The following DOC2B variants were observed in gnomAD, a reference collection of about 807,000 sequenced individuals.
DOC2B encodes double C2-like domain-containing protein beta.
A neutral mutation model predicts 28.9 loss-of-function variants in DOC2B; 21 were observed. The ratio of observed to expected loss-of-function variants is 0.73; its 90% CI spans 0.52 to 1.05. DOC2B has a LOEUF of 1.05. Among genes scored for constraint, DOC2B ranks in the 50% least tolerant of loss-of-function variants. The pLI, the probability that DOC2B is intolerant of heterozygous loss-of-function variation, is 0.00. For missense variants in DOC2B, 384 were observed against 421.1 expected (o/e 0.91, Z 0.77); for synonymous variants, 194 against 178.1 (o/e 1.09, Z -0.71).
intron 6 of DOC2B, among the ~76,000 whole-genome samples, chr17:154,726 A>C (rs909823319): frequency 1.3e-5 from 2 of 151,970 alleles, no homozygotes; most frequent in Non-Finnish European, 2.9e-5. Context: ...TTCTCATATT[A>C]TTTTTATTTG....
At position 144,219 on chromosome 17, in the gene DOC2B, G is replaced by T; in HGVS notation, c.*3222C>A. 1 of 152,498 alleles carries T rather than the reference G, an allele frequency of 6.6e-6. No homozygotes were observed. The highest frequency in any genetic ancestry group is 2.0e-4 in the South Asian group (1 of 5,126). 9.4% of individuals were successfully genotyped at this position (152,498 alleles called of 1,614,324 possible). On this transcript the variant is annotated 3_prime_UTR_variant, in exon 9 of 9. Transcript: ENST00000613549. ...ACCCGAGTAAAGATGCCCATTCGGG[G>T]TCAAAGGCAGAGCCGCTTCTGCAGC... is the stretch of plus-strand genomic sequence containing the variant.
chr17:151,383 T>C (rs2040070256), intron 6 of DOC2B, among the ~76,000 whole-genome samples: 1 of 152,226 alleles, frequency 6.6e-6, no homozygotes, highest in African/African-American at 2.4e-5. Flanking sequence ...TCATATTTTG[T>C]AATCTTTGCA....
At chr17:170,477 G>C (rs867132077) in intron 2 of DOC2B, among the ~76,000 whole-genome samples, 16 of 152,146 alleles carry the variant, frequency 1.1e-4, no homozygotes, top group Admixed American at 5.2e-4. Context: ...CTTGCTGCCA[G>C]GCTGGGAGGA....
intron 2 of DOC2B, among the ~76,000 whole-genome samples, chr17:172,198 C>G (rs967105797): frequency 6.6e-6 from 1 of 151,970 alleles, no homozygotes; most frequent in African/African-American, 2.4e-5. Context: ...AGTACCCAAC[C>G]CGCCCTCCCT....
chr17:174,637 C>A (rs1207667445), intron 1 of DOC2B, among the ~76,000 whole-genome samples: 1 of 152,226 alleles, frequency 6.6e-6, no homozygotes, highest in African/African-American at 2.4e-5. Flanking sequence ...AACCCCTGCA[C>A]CAGAGGGTCC....
intron 6 of DOC2B, among the ~76,000 whole-genome samples, chr17:152,473 AAAT>A (rs904255991): frequency 3.9e-5 from 6 of 152,158 alleles, no homozygotes; most frequent in African/African-American, 1.4e-4. Flanking sequence ...AGCTTTATAA[AAAT>A]AATGGTGCTA....
At chr17:172,716 C>T (rs2040326652) in intron 1 of DOC2B, 100 bp from the exon 2 acceptor site, 1 of 974,550 alleles carries the variant, frequency 1.0e-6, no homozygotes, top group South Asian at 1.9e-5. Flanking sequence ...GCAGGTGCCA[C>T]CGTTCCATGG....
At chr17:152,835 C>T (rs2040086804) in intron 6 of DOC2B, among the ~76,000 whole-genome samples, 3 of 152,184 alleles carry the variant, frequency 2.0e-5, no homozygotes, top group Admixed American at 1.3e-4. Flanking sequence ...GGCCTTGACC[C>T]ATCTAGCTTT....
intron 1 of DOC2B, among the ~76,000 whole-genome samples, chr17:176,308 AAGT>A (rs1367184001): frequency 6.6e-6 from 1 of 151,650 alleles, no homozygotes; most frequent in African/African-American, 2.4e-5. Flanking sequence ...TCAGCCTCCC[AAGT>A]AGCTGGGACT....
At chr17:165,850 G>C (rs2040257377) in intron 2 of DOC2B, among the ~76,000 whole-genome samples, 1 of 152,262 alleles carries the variant, frequency 6.6e-6, no homozygotes, top group African/African-American at 2.4e-5. Context: ...GGCGGTGCCT[G>C]ACTGCTGTGT....
At chr17:159,488 G>A (rs1037833702) in intron 5 of DOC2B, among the ~76,000 whole-genome samples, 3 of 152,184 alleles carry the variant, frequency 2.0e-5, no homozygotes, top group African/African-American at 7.2e-5. Flanking sequence ...ACCAGGCGTG[G>A]CGGCACACGC....
At chr17:166,177 A>G (rs946631620) in intron 2 of DOC2B, among the ~76,000 whole-genome samples, 1 of 152,160 alleles carries the variant, frequency 6.6e-6, no homozygotes, top group Non-Finnish European at 1.5e-5. Context: ...GCAGCCACAC[A>G]TTTCGCCAAA....
chr17:151,850 C>G (rs985741766), intron 6 of DOC2B, among the ~76,000 whole-genome samples: 6 of 152,346 alleles, frequency 3.9e-5, no homozygotes, highest in African/African-American at 1.4e-4. Flanking sequence ...ACGACAGGCT[C>G]CAGCCTCGGC....
At chr17:160,703 G>A (rs187068389) in intron 5 of DOC2B, among the ~76,000 whole-genome samples, 6 of 152,320 alleles carry the variant, frequency 3.9e-5, no homozygotes, top group African/African-American at 1.4e-4. Flanking sequence ...TGAACCAGGT[G>A]AAGGTGAGGC....
At position 147,390 on chromosome 17, in the gene DOC2B, C is replaced by CTT; in HGVS notation, c.*50_*51insAA. 1 of 398,806 alleles carries CTT rather than the reference C, an allele frequency of 2.5e-6. No individual in the cohort carries two copies. Among genetic ancestry groups the CTT allele is most frequent in the Non-Finnish European group, 4.4e-6 (1 of 226,228 alleles). The allele number at this position is 398,806 out of a possible 1,614,324, so 24.7% of individuals were successfully genotyped here. A position where few individuals can be genotyped will look rare whatever the true frequency, so the allele number is the denominator to read the frequency against. On this transcript the variant is annotated 3_prime_UTR_variant, in exon 9 of 9. Transcript: ENST00000613549. Reference sequence around the variant, plus strand: ...TGGTGGCTGCTGGGGAAGCCCGGGGCCGGCCGTGCTGGGCGCAGGTGGCGG... The same window carrying CTT: ...TGGTGGCTGCTGGGGAAGCCCGGGGCTTCGGCCGTGCTGGGCGCAGGTGGCGG...
chr17:156,432 G>A (rs574413625), intron 5 of DOC2B, 55 bp from the exon 6 acceptor site: 19 of 1,530,268 alleles, frequency 1.2e-5, no homozygotes, highest in Admixed American at 6.3e-5. Context: ...TCTCTTGGCC[G>A]TCCTTGGCCT....
At chr17:169,946 G>C (rs577173672) in intron 2 of DOC2B, among the ~76,000 whole-genome samples, 1 of 152,180 alleles carries the variant, frequency 6.6e-6, no homozygotes, top group Admixed American at 6.5e-5. Flanking sequence ...GTGCACGCAC[G>C]GTACCACACA....
chr17:162,102 T>C lies in DOC2B; in HGVS notation c.617A>G (p.Asp206Gly). Residue 206 changes from aspartate (D) to glycine (G), a missense_variant, in exon 4 of 9, where the codon GAC (aspartate) becomes GGC (glycine). Coordinates refer to ENST00000613549, the MANE Select transcript of DOC2B (RefSeq NM_003585.5). ...CCACCGCAGGGTCTTGCGGATCATG[T>C]CTTCATCTGTGATCCCGTAGTAAGT... is the stretch of plus-strand genomic sequence containing the variant. ...TLTYYGITDEDMIRKTLRISV... is the reference protein window; with the variant it reads ...TLTYYGITDEGMIRKTLRISV... 6.4e-7 allele frequency: 1 copy of C among 1,551,536 alleles called. No homozygotes were observed. Among genetic ancestry groups the C allele is most frequent in the Non-Finnish European group, 8.7e-7 (1 of 1,146,730 alleles).
rs1199088583 is a variant in DOC2B, at chr17:162,144, G to A, written c.575C>T (p.Thr192Ile). The A allele has an allele frequency of 5.2e-6, 8 of 1,551,856 alleles. No individual in the cohort carries two copies. Among genetic ancestry groups the A allele is most frequent in the African/African-American group, 1.4e-5 (1 of 73,042 alleles). The change falls in exon 4 of 9, where the codon ACA (threonine) becomes ATA (isoleucine). Residue 192 changes from threonine (T) to isoleucine (I), a missense_variant. Physicochemically the swap from Thr to Ile is moderately conservative, Grantham distance 89. Coordinates refer to ENST00000613549, the MANE Select transcript of DOC2B (RefSeq NM_003585.5). Reference sequence around the variant, plus strand: ...GTAGTAAGTGAGGGTCTCGTTCCATGTGGGGTTCAGAGTGTTACGGAGAGT... The same window carrying A: ...GTAGTAAGTGAGGGTCTCGTTCCATATGGGGTTCAGAGTGTTACGGAGAGT... ...TKTLRNTLNP[T>I]WNETLTYYGI...
Sources: gnomAD v4.1 joint callset for allele counts (sites outside exome capture counted in the v4.1 genomes callset) on GRCh38, gnomAD v4.1.1 for gene constraint, MANE v1.5 for transcripts, NCBI Gene and HGNC (gene_info 2026-07-23, HGNC 2026-07-21) for gene names.